INPP1: variants seen among roughly 807,000 people sequenced by gnomAD.
INPP1 encodes the protein inositol polyphosphate 1-phosphatase.
Under a neutral mutation model 23.0 loss-of-function variants are expected in INPP1, and 18 were observed. The observed-to-expected ratio is 0.78, with a 90% CI of 0.54 to 1.16. The LOEUF is 1.16. Among genes scored for constraint, INPP1 ranks in the 50% most tolerant of loss-of-function variants. The pLI, the probability that INPP1 is intolerant of heterozygous loss-of-function variation, is 0.00. For missense variants in INPP1, 448 were observed against 482.1 expected (o/e 0.93, Z 0.66); for synonymous variants, 164 against 176.3 (o/e 0.93, Z 0.55).
At chr2:190,370,339 G>A (rs1167552205) in intron 6 of INPP1, among the ~76,000 whole-genome samples, 1 of 152,204 alleles carries the variant, frequency 6.6e-6, no homozygotes, top group African/African-American at 2.4e-5. Context: ...TATAATTATT[G>A]TGGTTGCCAA....
intron 3 of INPP1, among the ~76,000 whole-genome samples, chr2:190,361,118 T>C (rs576161472): frequency 7.3e-6 from 1 of 137,192 alleles, no homozygotes; most frequent in East Asian, 2.2e-4. Flanking sequence ...AGAACTACTA[T>C]TACAATGCAA....
At chr2:190,365,812 GCTCT>G (rs1051931122) in intron 4 of INPP1, among the ~76,000 whole-genome samples, 5 of 149,320 alleles carry the variant, frequency 3.3e-5, no homozygotes, top group African/African-American at 9.9e-5. Flanking sequence ...TTGCTCTCTC[GCTCT>G]CTCTGTCTCA....
At position 190,346,466 on chromosome 2, in the gene INPP1, G is replaced by T. The variant is rs1453976095; in HGVS notation, c.-208-2422G>T. ...GATCAAATTTAGCAAACATATTTTT[G>T]CATGTTTAGTCTTTTTTATGTGGTA... On this transcript the variant is annotated intron_variant, in intron 1 of 6. Coordinates refer to ENST00000392329, the MANE Select transcript of INPP1 (RefSeq NM_001128928.2). The surrounding 1 kb of genome is among the most constrained non-coding windows in gnomAD (Gnocchi z 5.1). 6.6e-6 allele frequency among the ~76,000 whole-genome samples: 1 copy of T among 151,958 alleles called. No individual in the cohort carries two copies. The highest frequency in any genetic ancestry group is 1.5e-5 in the Non-Finnish European group (1 of 67,974).
At position 190,355,646 on chromosome 2, in the gene INPP1, A is replaced by G. The variant is rs1689407120; in HGVS notation, c.-64-4393A>G. Among the ~76,000 whole-genome samples, 1 of 152,212 alleles carries G rather than the reference A, an allele frequency of 6.6e-6. No individual in the cohort carries two copies. Among genetic ancestry groups the G allele is most frequent in the Non-Finnish European group, 1.5e-5 (1 of 68,034 alleles). ...CATCCATTGAGAAATACTAATCAAA[A>G]GGAATTTCTTCTATAGTCAAGGCTA... On this transcript the variant is annotated intron_variant, in intron 2 of 6. Transcript: ENST00000392329. The surrounding 1 kb of genome is among the most constrained non-coding windows in gnomAD (Gnocchi z 5.1).
rs115156870 is a variant in INPP1, at chr2:190,352,496, G to C, written c.-65+3465G>C. Among the ~76,000 whole-genome samples, 1,010 of 152,316 alleles carry C rather than the reference G, an allele frequency of 6.6e-3. 13 individuals carry two copies. Among genetic ancestry groups the C allele is most frequent in the African/African-American group, 0.022 (916 of 41,558 alleles). The stretch of plus-strand genomic sequence containing the variant: ...AGGCAGTATTGCAAATCTCTAGTAA[G>C]GCTTGTAGTACAGTTTCCCTCTGGC... On this transcript the variant is annotated intron_variant, in intron 2 of 6. Coordinates refer to ENST00000392329, the MANE Select transcript of INPP1 (RefSeq NM_001128928.2). This position sits in a 1 kb window ranked among gnomAD's most constrained non-coding sequence, Gnocchi z 4.7.
rs916630577 is a variant in INPP1, at chr2:190,354,253, CTA to C, written c.-65+5224_-65+5225del. Among the ~76,000 whole-genome samples, 9 of 152,208 alleles carry C rather than the reference CTA, an allele frequency of 5.9e-5. No individual in the cohort carries two copies. The highest frequency in any genetic ancestry group is 1.0e-4 in the Non-Finnish European group (7 of 68,036). On this transcript the variant is annotated intron_variant, in intron 2 of 6. Coordinates refer to ENST00000392329, the MANE Select transcript of INPP1 (RefSeq NM_001128928.2). This position sits in a 1 kb window ranked among gnomAD's most constrained non-coding sequence, Gnocchi z 4.8. The stretch of plus-strand genomic sequence containing the variant: ...GACGACATAAATGGGGAGGAAAACA[CTA>C]TCCCATTTTCACTTTTGGCCAGAAA...
At position 190,364,749 on chromosome 2, in the gene INPP1, T is replaced by C. The variant is rs371666091; in HGVS notation, c.266-1946T>C. Among the ~76,000 whole-genome samples the C allele has an allele frequency of 5.3e-5, 8 of 151,722 alleles. No individual in the cohort carries two copies. In the East Asian group the frequency reaches 9.9e-4, roughly 19 times the overall value. ...GGGATTACAGACATGCTAAGCTACC[T>C]GCCACCACGCCTAGCTAATTTTTTT... is the stretch of plus-strand genomic sequence containing the variant. On this transcript the variant is annotated intron_variant, in intron 4 of 6. Transcript: ENST00000392329.
chr2:190,363,526 A>T lies in INPP1; in HGVS notation c.265+839A>T, dbSNP rs146156907. The stretch of plus-strand genomic sequence containing the variant: ...TTTTTTTAGTTTGTTTGGATTTAAT[A>T]GTAGAAGAATAAAATAGTGAACATT... On this transcript the variant is annotated intron_variant, in intron 4 of 6. Transcript: ENST00000392329. This position sits in a 1 kb window ranked among gnomAD's most constrained non-coding sequence, Gnocchi z 4.4. 1.3e-4 allele frequency among the ~76,000 whole-genome samples: 20 copies of T among 152,280 alleles called. No homozygotes were observed. The East Asian group carries it at 3.7e-3, about 28-fold the overall frequency.
At chr2:190,348,431 A>C (rs1189069474) in intron 1 of INPP1, among the ~76,000 whole-genome samples, 2 of 152,176 alleles carry the variant, frequency 1.3e-5, no homozygotes, top group African/African-American at 4.8e-5. Context: ...CCGTTTTCAA[A>C]TTACAGCTCA....
Position 190,352,361 on chromosome 2 carries a change from T to G in INPP1, c.-65+3330T>G, listed in dbSNP as rs1369023819. On this transcript the variant is annotated intron_variant, in intron 2 of 6. Transcript: ENST00000392329. This position sits in a 1 kb window ranked among gnomAD's most constrained non-coding sequence, Gnocchi z 4.7. ...AATAAGACCCAGGAAGTACAGGCAG[T>G]CCCAAACTGTAATATTTATTGGATC... Among the ~76,000 whole-genome samples the G allele has an allele frequency of 6.6e-6, 1 of 152,182 alleles. No individual in the cohort carries two copies. The highest frequency in any genetic ancestry group is 2.4e-5 in the African/African-American group (1 of 41,440).
chr2:190,360,096 TTCAGAAATG>T lies in INPP1; in HGVS notation c.-1_8del. 8.1e-6 allele frequency: 13 copies of T among 1,612,430 alleles called. No homozygotes were observed. Among genetic ancestry groups the T allele is most frequent in the Non-Finnish European group, 1.0e-5 (12 of 1,179,850 alleles). ...CAGCAGCTGCAACTGAAAAGCAAGGTTCAGAAATGTCAGATATCCTCCGGGAGCTGCTCT... is the reference window on the plus strand; with the variant it reads ...CAGCAGCTGCAACTGAAAAGCAAGGTTCAGATATCCTCCGGGAGCTGCTCT... On this transcript the variant is annotated start_lost and 5_prime_UTR_variant, in exon 3 of 7. Coordinates refer to ENST00000392329, the MANE Select transcript of INPP1 (RefSeq NM_001128928.2).
At chr2:190,361,671 T>C (rs1689536629) in intron 3 of INPP1, among the ~76,000 whole-genome samples, 1 of 152,212 alleles carries the variant, frequency 6.6e-6, no homozygotes, top group Admixed American at 6.5e-5. Context: ...TTTAGCTGTA[T>C]AAAATATCTT....
chr2:190,365,970 GCT>G (rs1689644180), intron 4 of INPP1, among the ~76,000 whole-genome samples: 1 of 18,342 alleles, frequency 5.5e-5, no homozygotes, highest in African/African-American at 4.9e-4. Context: ...GCTCTCTCTC[GCT>G]CTCTCGCTCT....
At chr2:190,353,122 A>G (rs1485023624) in intron 2 of INPP1, among the ~76,000 whole-genome samples, 1 of 152,154 alleles carries the variant, frequency 6.6e-6, no homozygotes. Context: ...TATCTATGTC[A>G]TCACCCTTCT....
At position 190,371,101 on chromosome 2, in the gene INPP1, G is replaced by A. The variant is rs772175829; in HGVS notation, c.899G>A (p.Gly300Asp). 1.6e-5 allele frequency: 26 copies of A among 1,614,076 alleles called. No homozygotes were observed. In the South Asian group the frequency reaches 2.5e-4, roughly 16 times the overall value. Residue 300 changes from glycine to aspartate, a missense_variant, in exon 7 of 7, where the codon GGC becomes GAC. Gly to Asp is a moderately conservative substitution (Grantham distance 94). Coordinates refer to ENST00000392329, the MANE Select transcript of INPP1 (RefSeq NM_001128928.2). This position sits in a 1 kb window ranked among gnomAD's most constrained non-coding sequence, Gnocchi z 5.3. ...AGYKSLCVVQ[G>D]LVDIYIFSED... ...TATAAGAGCCTATGTGTTGTCCAAG[G>A]CCTCGTTGACATTTACATCTTTTCA...
At chr2:190,348,595 C>T (rs1575782797) in intron 1 of INPP1, among the ~76,000 whole-genome samples, 4 of 152,164 alleles carry the variant, frequency 2.6e-5, no homozygotes, top group South Asian at 4.1e-4. Flanking sequence ...TCTGTCTCCA[C>T]GAATTTGACA....
chr2:190,367,593 G>T lies in INPP1; in HGVS notation c.466+698G>T, dbSNP rs1437419546. 1.3e-5 allele frequency among the ~76,000 whole-genome samples: 2 copies of T among 152,120 alleles called. No individual in the cohort carries two copies. Among genetic ancestry groups the T allele is most frequent in the Non-Finnish European group, 2.9e-5 (2 of 68,024 alleles). ...AGACAGAGTCTCGTGTTGCACACAG[G>T]CTGGAGTGCAGTGGCACAGTCAGAA... On this transcript the variant is annotated intron_variant, in intron 5 of 6. Transcript: ENST00000392329. This position sits in a 1 kb window ranked among gnomAD's most constrained non-coding sequence, Gnocchi z 4.1.
chr2:190,371,407 A>G lies in INPP1; in HGVS notation c.*5A>G. On this transcript the variant is annotated 3_prime_UTR_variant, in exon 7 of 7. Coordinates refer to ENST00000392329, the MANE Select transcript of INPP1 (RefSeq NM_001128928.2). The surrounding 1 kb of genome is among the most constrained non-coding windows in gnomAD (Gnocchi z 5.3). ...CCTGCAGAGACGCATACCTAGAGGA[A>G]CTCTAACCCCGGTGTACCTGTATAA... 1 of 1,512,496 alleles carries G rather than the reference A, an allele frequency of 6.6e-7. No homozygotes were observed. The highest frequency in any genetic ancestry group is 2.3e-5 in the East Asian group (1 of 43,968). 93.7% of individuals were successfully genotyped at this position (1,512,496 alleles called of 1,614,324 possible). A position where few individuals can be genotyped will look rare whatever the true frequency, so the allele number is the denominator to read the frequency against.
chr2:190,371,276 G>A lies in INPP1; in HGVS notation c.1074G>A (p.Glu358=), dbSNP rs1689798810. The change falls in exon 7 of 7, where the codon GAG becomes GAA. Residue 358 remains glutamate, a synonymous_variant. Coordinates refer to ENST00000392329, the MANE Select transcript of INPP1 (RefSeq NM_001128928.2). This position sits in a 1 kb window ranked among gnomAD's most constrained non-coding sequence, Gnocchi z 5.3. ...LPQLVYHVEN[E]GAAGVDRWAN... ...AGTTGGTGTACCACGTGGAAAATGA[G>A]GGTGCTGCTGGGGTGGATCGGTGGG... is the stretch of plus-strand genomic sequence containing the variant. 1.9e-6 allele frequency: 3 copies of A among 1,611,724 alleles called. No homozygotes were observed. The highest frequency in any genetic ancestry group is 3.3e-5 in the Admixed American group (2 of 59,876).
Sources: allele counts gnomAD v4.1 joint callset (sites outside exome capture counted in the v4.1 genomes callset), GRCh38; gene constraint gnomAD v4.1.1; non-coding constraint Gnocchi (gnomAD v3.1); transcripts MANE v1.5; gene names NCBI Gene and HGNC (gene_info 2026-07-23, HGNC 2026-07-21).